Variants in G2E3 observed in about 807,000 individuals in gnomAD.
The protein encoded by G2E3 is G2/M phase-specific E3 ubiquitin-protein ligase.
G2E3 carries 35 observed loss-of-function variants against 92.8 expected under a neutral mutation model. The ratio of observed to expected loss-of-function variants is 0.38; its 90% CI spans 0.29 to 0.50. The LOEUF is 0.50. Ranked by LOEUF, G2E3 falls within the 20% of genes least tolerant of loss-of-function variation. The pLI is 0.94. For missense variants in G2E3, 554 were observed against 823.8 expected, an observed-to-expected ratio of 0.67 and a Z score of 4.01; for synonymous variants, 242 against 272.4, an observed-to-expected ratio of 0.89 and a Z score of 1.10.
chr14:30,583,749 C>T (rs770532732), intron 2 of G2E3, among the ~76,000 whole-genome samples: 3 of 152,154 alleles, frequency 2.0e-5, no homozygotes, highest in Non-Finnish European at 4.4e-5. Flanking sequence ...ATCAAAACAT[C>T]GTGCTAAACA....
At chr14:30,613,614 G>T (rs1033379882) in intron 13 of G2E3, among the ~76,000 whole-genome samples, 6 of 151,836 alleles carry the variant, frequency 4.0e-5, no homozygotes, top group African/African-American at 1.5e-4. Context: ...TCTTAGTTTT[G>T]GTGGGTTGGT....
chr14:30,609,321 C>G (rs1881981054), intron 12 of G2E3, among the ~76,000 whole-genome samples: 1 of 152,144 alleles, frequency 6.6e-6, no homozygotes, highest in East Asian at 1.9e-4. Context: ...TCCCTACCAC[C>G]AGTCTCAAGT....
At chr14:30,598,059 G>A (rs1881375783) in intron 7 of G2E3, 1 of 160,856 alleles carries the variant, frequency 6.2e-6, no homozygotes, top group Non-Finnish European at 1.4e-5. Flanking sequence ...AAAAGGACAA[G>A]TTTTATTATT....
intron 13 of G2E3, among the ~76,000 whole-genome samples, chr14:30,614,110 A>G (rs1882209770): frequency 6.6e-6 from 1 of 152,210 alleles, no homozygotes; most frequent in Non-Finnish European, 1.5e-5. Context: ...TATTGAAAGT[A>G]TATACAAAGA....
chr14:30,607,742 A>G (rs557718601), intron 11 of G2E3, 146 bp from the exon 12 acceptor site: 57 of 510,994 alleles, frequency 1.1e-4, no homozygotes, highest in African/African-American at 8.6e-4. Context: ...TATTTTAGGT[A>G]AGATCTATAT....
intron 12 of G2E3, chr14:30,611,481 CTAACCTG>C (rs1212758610): frequency 2.0e-5 from 3 of 152,176 alleles, no homozygotes; most frequent in African/African-American, 7.2e-5. Context: ...CCTTTAAGAG[CTAACCTG>C]TATGAAAGTG....
In G2E3 at chr14:30,619,169, T is replaced by C. The variant is rs1161792021; in HGVS notation, c.*2635T>C. The C allele has an allele frequency of 1.3e-5, 2 of 152,124 alleles. No individual in the cohort carries two copies. Among genetic ancestry groups the C allele is most frequent in the African/African-American group, 2.4e-5 (1 of 41,460 alleles). The allele number at this position is 152,124 out of a possible 1,614,324, so 9.4% of individuals were successfully genotyped here. On this transcript the variant is annotated 3_prime_UTR_variant, in exon 15 of 15. Coordinates refer to ENST00000206595, the MANE Select transcript of G2E3 (RefSeq NM_017769.5). ...ATTTTATACTTTGTAATTTTTAGTT[T>C]CTGTAATTTGAGGAAGTGACTTTTT...
chr14:30,570,279 A>T (rs1879680563), intron 1 of G2E3, among the ~76,000 whole-genome samples: 1 of 152,136 alleles, frequency 6.6e-6, no homozygotes, highest in Non-Finnish European at 1.5e-5. Flanking sequence ...GTTTGACTAT[A>T]CTGTGTCTCA....
chr14:30,596,135 C>CGTGTGTGTGTGT (rs59672554), intron 6 of G2E3, among the ~76,000 whole-genome samples: 34 of 127,252 alleles, frequency 2.7e-4, no homozygotes, highest in African/African-American at 9.0e-4. Context: ...GGTGGGTGTG[C>CGTGTGTGTGTGT]GTGTGTGTGT....
intron 1 of G2E3, among the ~76,000 whole-genome samples, chr14:30,580,191 G>A (rs562944541): frequency 6.6e-6 from 1 of 151,980 alleles, no homozygotes; most frequent in Non-Finnish European, 1.5e-5. Context: ...GACTAATAAA[G>A]GATTGTTTTT....
At chr14:30,561,727 C>T (rs1480175102) in intron 1 of G2E3, among the ~76,000 whole-genome samples, 1 of 152,156 alleles carries the variant, frequency 6.6e-6, no homozygotes, top group Admixed American at 6.5e-5. Flanking sequence ...TTTATGTCTG[C>T]AGTGCACAGT....
intron 12 of G2E3, 149 bp downstream of exon 12, chr14:30,608,218 C>A: frequency 2.0e-6 from 1 of 495,312 alleles, no homozygotes; most frequent in Admixed American, 3.9e-5. Context: ...GAGTTCTGAA[C>A]CAGTTAAAAG....
chr14:30,560,819 A>C (rs1210519407), intron 1 of G2E3: 22 of 701,860 alleles, frequency 3.1e-5, no homozygotes, highest in Non-Finnish European at 5.5e-5. Flanking sequence ...ATGGCATTGA[A>C]CAGTCTGCAT....
At chr14:30,592,481 G>T in intron 5 of G2E3, 34 bp downstream of exon 5, 1 of 1,497,450 alleles carries the variant, frequency 6.7e-7, no homozygotes. Context: ...TGAAAGTTCA[G>T]TGTTAAAGAA....
chr14:30,611,920 A>G, intron 12 of G2E3: 1 of 207,254 alleles, frequency 4.8e-6, no homozygotes, highest in South Asian at 8.1e-5. Context: ...CCTAGTAGCT[A>G]GTCTTACCTA....
At chr14:30,602,358 A>G (rs1566546862) in intron 10 of G2E3, among the ~76,000 whole-genome samples, 3 of 46,516 alleles carry the variant, frequency 6.4e-5, no homozygotes. Context: ...CATACGTGGG[A>G]AAAGTGTATC....
intron 2 of G2E3, among the ~76,000 whole-genome samples, chr14:30,582,016 G>A (rs1880463068): frequency 6.6e-6 from 1 of 152,090 alleles, no homozygotes; most frequent in African/African-American, 2.4e-5. Context: ...CATTATGTTG[G>A]ATAAGGAAAT....
chr14:30,607,832 A>T (rs1881902828), intron 11 of G2E3, 56 bp from the exon 12 acceptor site: 1 of 880,124 alleles, frequency 1.1e-6, no homozygotes, highest in African/African-American at 1.8e-5. Context: ...ATAAAAAATG[A>T]TGGTTATCTT....
chr14:30,574,790 G>A (rs1879978923), intron 1 of G2E3, among the ~76,000 whole-genome samples: 1 of 152,120 alleles, frequency 6.6e-6, no homozygotes, highest in African/African-American at 2.4e-5. Flanking sequence ...ATTTTATCGT[G>A]TATTTGTACC....
Sources: allele counts gnomAD v4.1 joint callset (sites outside exome capture counted in the v4.1 genomes callset), GRCh38; gene constraint gnomAD v4.1.1; transcripts MANE v1.5; gene names NCBI Gene and HGNC (gene_info 2026-07-23, HGNC 2026-07-21).